PDE11A: variants seen among roughly 807,000 people sequenced by gnomAD.
PDE11A encodes dual 3',5'-cyclic-AMP and -GMP phosphodiesterase 11A.
PDE11A carries 100 observed loss-of-function variants against 100.5 expected under a neutral mutation model. That is an observed-to-expected ratio of 1.00 (90% CI 0.85 to 1.18). PDE11A has a LOEUF of 1.18. Among genes scored for constraint, PDE11A ranks in the 50% most tolerant of loss-of-function variants. The pLI is 0.00. For missense variants in PDE11A, 1,141 were observed against 1,152.6 expected, an observed-to-expected ratio of 0.99 and a Z score of 0.15; for synonymous variants, 381 against 420.8, an observed-to-expected ratio of 0.91 and a Z score of 1.16.
At chr2:177,926,486 A>G (rs1253869616) in intron 2 of PDE11A, among the ~76,000 whole-genome samples, 1 of 152,186 alleles carries the variant, frequency 6.6e-6, no homozygotes, top group Non-Finnish European at 1.5e-5. Context: ...GTTATAATTC[A>G]GTAGATAGAA....
Position 177,868,240 on chromosome 2 carries a change from C to A in PDE11A, c.1367+7619G>T, listed in dbSNP as rs79238167. 7.2e-3 allele frequency among the ~76,000 whole-genome samples: 1,101 copies of A among 152,086 alleles called. 13 individuals are homozygous for A. Among genetic ancestry groups the A allele is most frequent in the African/African-American group, 0.025 (1,025 of 41,522 alleles). On this transcript the variant is annotated intron_variant, in intron 5 of 19. Transcript: ENST00000286063. ...GTTGAGAAAAGTCACAGGGCTGTCT[C>A]ATCTTAAAATTTAAAGAAACTCTAA...
chr2:177,859,560 C>G (rs928174651), intron 5 of PDE11A, among the ~76,000 whole-genome samples: 3 of 151,726 alleles, frequency 2.0e-5, no homozygotes, highest in Non-Finnish European at 4.4e-5. Flanking sequence ...TATAATAGAG[C>G]AACTAGACAG....
At chr2:177,973,064 A>T (rs184581306) in intron 2 of PDE11A, among the ~76,000 whole-genome samples, 9 of 152,274 alleles carry the variant, frequency 5.9e-5, no homozygotes, top group Admixed American at 4.6e-4. Flanking sequence ...TACTCAAGAA[A>T]ATGGCTGAGG....
intron 9 of PDE11A, among the ~76,000 whole-genome samples, chr2:177,809,586 TCATCCTA>T (rs56364202): frequency 0.24 from 37,189 of 151,866 alleles, 4,681 homozygotes; most frequent in African/African-American, 0.29. Flanking sequence ...CTTTGCCCTT[TCATCCTA>T]CCTCCCTCTT....
At chr2:178,105,236 C>T (rs181753433) in intron 1 of PDE11A, among the ~76,000 whole-genome samples, 1 of 152,080 alleles carries the variant, frequency 6.6e-6, no homozygotes, top group Non-Finnish European at 1.5e-5. Context: ...CCAAGGCGGG[C>T]AAATCACAAG....
intron 9 of PDE11A, among the ~76,000 whole-genome samples, 162 bp downstream of exon 9, chr2:177,816,667 G>A (rs1001135047): frequency 1.3e-5 from 2 of 152,140 alleles, no homozygotes; most frequent in Admixed American, 1.3e-4. Context: ...ATGCAACATT[G>A]TGTTTCTCTG....
intron 1 of PDE11A, among the ~76,000 whole-genome samples, chr2:178,041,383 A>G (rs2086680760): frequency 6.6e-6 from 1 of 151,768 alleles, no homozygotes; most frequent in African/African-American, 2.4e-5. Context: ...AGCTGGGACT[A>G]CAGGCATGCA....
At position 177,669,567 on chromosome 2, in the gene PDE11A, C is replaced by T; in HGVS notation, c.2488G>A (p.Val830Met). Residue 830 changes from valine (V) to methionine (M), a missense_variant and splice_region_variant, in exon 18 of 20, where the codon GTG becomes ATG. Coordinates refer to ENST00000286063, the MANE Select transcript of PDE11A (RefSeq NM_016953.4). Reference protein sequence around the residue: ...VTKPWEISRQVAELVTSEFFE... With the variant: ...VTKPWEISRQMAELVTSEFFE... The stretch of plus-strand genomic sequence containing the variant: ...AACTCACTGGTTACAAGTTCTGCCA[C>T]CTGAAACATATAAATATTTTAATCT... 7.3e-7 allele frequency: 1 copy of T among 1,371,574 alleles called. No individual in the cohort carries two copies. Among genetic ancestry groups the T allele is most frequent in the Non-Finnish European group, 1.0e-6 (1 of 959,318 alleles). 85.0% of individuals were successfully genotyped at this position (1,371,574 alleles called of 1,614,324 possible). A position where few individuals can be genotyped will look rare whatever the true frequency, so the allele number is the denominator to read the frequency against.
intron 2 of PDE11A, among the ~76,000 whole-genome samples, chr2:177,996,437 G>A (rs536686930): frequency 2.7e-5 from 4 of 149,976 alleles, no homozygotes; most frequent in Non-Finnish European, 5.9e-5. Flanking sequence ...GATTTATGTC[G>A]TGTAGTCAAG....
chr2:177,755,383 T>C (rs901924972), intron 10 of PDE11A, among the ~76,000 whole-genome samples: 11 of 152,320 alleles, frequency 7.2e-5, no homozygotes, highest in African/African-American at 1.9e-4. Context: ...ACCCAGTTTC[T>C]AGACATTACG....
chr2:177,842,155 G>A (rs1253405638), intron 5 of PDE11A, among the ~76,000 whole-genome samples: 2 of 152,160 alleles, frequency 1.3e-5, no homozygotes, highest in African/African-American at 4.8e-5. Context: ...AATTTTTGAG[G>A]TGTTCTGTGA....
At chr2:177,865,787 T>C (rs985846724) in intron 5 of PDE11A, among the ~76,000 whole-genome samples, 6 of 152,124 alleles carry the variant, frequency 3.9e-5, no homozygotes, top group African/African-American at 1.4e-4. Context: ...TTATAAGAAA[T>C]GTCCAAAATA....
intron 5 of PDE11A, among the ~76,000 whole-genome samples, chr2:177,848,801 C>A (rs2083647154): frequency 6.6e-6 from 1 of 151,720 alleles, no homozygotes; most frequent in Non-Finnish European, 1.5e-5. Flanking sequence ...AAATAAAATA[C>A]CCCAGAACAA....
intron 2 of PDE11A, among the ~76,000 whole-genome samples, chr2:178,096,164 CTTTTCTTTTTTTTT>C (rs1470494220): frequency 9.1e-6 from 1 of 110,220 alleles, no homozygotes; most frequent in Non-Finnish European, 2.0e-5. Flanking sequence ...TTTTTCTTTT[CTTTTCTTTTTTTTT>C]TTTGAGATGG....
intron 9 of PDE11A, among the ~76,000 whole-genome samples, chr2:177,771,773 C>T (rs917270924): frequency 2.6e-5 from 4 of 152,046 alleles, no homozygotes; most frequent in African/African-American, 9.7e-5. Context: ...GAGGCTGAGG[C>T]GGGCAGATCA....
intron 15 of PDE11A, among the ~76,000 whole-genome samples, chr2:177,691,899 A>G (rs371802384): frequency 1.3e-5 from 2 of 152,168 alleles, no homozygotes; most frequent in Admixed American, 1.3e-4. Flanking sequence ...TCAATAGCTT[A>G]TGTTATGTTA....
chr2:177,875,963 CT>C (rs751545102), intron 4 of PDE11A, 40 bp from the exon 5 acceptor site: 1 of 1,155,136 alleles, frequency 8.7e-7, no homozygotes, highest in South Asian at 1.2e-5. Context: ...TCAATTAAAG[CT>C]TTATTGCCGT....
At chr2:177,763,554 G>A (rs2082198424) in intron 10 of PDE11A, among the ~76,000 whole-genome samples, 1 of 152,150 alleles carries the variant, frequency 6.6e-6, no homozygotes, top group Non-Finnish European at 1.5e-5. Context: ...AGCCTCTATG[G>A]GTCATCTGCC....
intron 2 of PDE11A, among the ~76,000 whole-genome samples, chr2:177,989,901 G>A (rs1199240361): frequency 3.9e-5 from 6 of 152,172 alleles, no homozygotes; most frequent in Admixed American, 3.9e-4. Flanking sequence ...ATCTGGCCAT[G>A]AAAGTTTATT....
Sources: allele counts gnomAD v4.1 joint callset (sites outside exome capture counted in the v4.1 genomes callset), GRCh38; gene constraint gnomAD v4.1.1; transcripts MANE v1.5; gene names NCBI Gene and HGNC (gene_info 2026-07-23, HGNC 2026-07-21).